Variants in TLR6 observed in about 807,000 individuals in gnomAD.
The protein encoded by TLR6 is toll like receptor 6, also known as toll-like receptor 6.
Under a neutral mutation model 16.1 loss-of-function variants are expected in TLR6, and 9 were observed. The ratio of observed to expected loss-of-function variants is 0.56; its 90% CI spans 0.34 to 0.98. TLR6 has a LOEUF of 0.98. Ranked by LOEUF, TLR6 falls within the 50% of genes least tolerant of loss-of-function variation. The pLI is 0.02. For synonymous variants in TLR6, 340 were observed against 338.6 expected (o/e 1.00, Z -0.04); for missense variants, 786 against 921.0 (o/e 0.85, Z 1.90).
exon 2 of TLR6, chr4:38,824,661 G>C (rs1035493060): frequency 6.6e-6 from 1 of 152,198 alleles, no homozygotes; most frequent in African/African-American, 2.4e-5. Flanking sequence ...AGAATGTGCC[G>C]TTTGGGATAG....
chr4:38,857,063 T>C, upstream of TLR6, among the ~76,000 whole-genome samples: 1 of 152,234 alleles, frequency 6.6e-6, no homozygotes, highest in Admixed American at 6.5e-5. Flanking sequence ...TAAGGTAATA[T>C]TTCTCTGTAA....
At chr4:38,829,113 C>G in exon 2 of TLR6, 1 of 1,614,108 alleles carries the variant, frequency 6.2e-7, no homozygotes, top group Non-Finnish European at 8.5e-7. Flanking sequence ...CTGAAACTCA[C>G]AATAGGATGG....
the TLR6 span, among the ~76,000 whole-genome samples, chr4:38,862,930 T>TAAAAAAAAAAAAAAAAAAAAAAA: frequency 1.2e-5 from 1 of 83,112 alleles, no homozygotes; most frequent in Non-Finnish European, 2.2e-5. Flanking sequence ...TTCTCCCATC[T>TAAAAAAAAAAAAAAAAAAAAAAA]AAAAAAAAAA....
chr4:38,844,718 A>G (rs1035211182), intron 1 of TLR6, among the ~76,000 whole-genome samples: 1 of 152,216 alleles, frequency 6.6e-6, no homozygotes, highest in Non-Finnish European at 1.5e-5. Flanking sequence ...TATAAAAGTC[A>G]TATTTCTGAC....
chr4:38,829,066 CAG>C lies in TLR6; in HGVS notation c.406_407del (p.Leu136AlafsTer4). On this transcript the variant is annotated frameshift_variant, in exon 2 of 2. Transcript: ENST00000436693. LOFTEE classifies it low-confidence loss of function (END_TRUNC). ...AGTTGCCAAATTCCTTACAGATGGG[CAG>C]GGCCTTGAAATCATTGAATGAGAGA... 3 of 1,614,116 alleles carry C rather than the reference CAG, an allele frequency of 1.9e-6. No individual in the cohort carries two copies. Among genetic ancestry groups the C allele is most frequent in the Non-Finnish European group, 1.7e-6 (2 of 1,180,020 alleles).
At chr4:38,850,617 C>T (rs1474952327) in intron 1 of TLR6, among the ~76,000 whole-genome samples, 3 of 152,188 alleles carry the variant, frequency 2.0e-5, no homozygotes, top group African/African-American at 7.2e-5. Flanking sequence ...TGCAAATAAA[C>T]TAGAAAATCT....
chr4:38,844,042 G>A lies in TLR6; in HGVS notation c.-65+12719C>T, dbSNP rs926454048. On this transcript the variant is annotated intron_variant, in intron 1 of 1. Transcript: ENST00000436693. ...CCTTTTACCCCAATGGTACTGACATGAGTGGATCAGCATGCTGAGTTTTCC... is the reference window on the plus strand; with the variant it reads ...CCTTTTACCCCAATGGTACTGACATAAGTGGATCAGCATGCTGAGTTTTCC... Among the ~76,000 whole-genome samples the A allele has an allele frequency of 7.9e-5, 12 of 152,284 alleles. No homozygotes were observed. The South Asian group carries it at 8.3e-4, about 11-fold the overall frequency.
At chr4:38,845,858 G>A (rs376227056) in intron 1 of TLR6, among the ~76,000 whole-genome samples, 15 of 152,232 alleles carry the variant, frequency 9.9e-5, no homozygotes, top group East Asian at 5.8e-4. Context: ...TTGGGAGGCC[G>A]AGGTGGATGG....
chr4:38,856,839 G>C (rs1232271234), upstream of TLR6: 4 of 149,976 alleles, frequency 2.7e-5, no homozygotes, highest in Admixed American at 2.0e-4. Flanking sequence ...ACAAACACAA[G>C]TTCTTAAAGT....
At chr4:38,854,043 A>T (rs1308439508) in intron 1 of TLR6, among the ~76,000 whole-genome samples, 1 of 152,236 alleles carries the variant, frequency 6.6e-6, no homozygotes, top group Non-Finnish European at 1.5e-5. Flanking sequence ...ATTATAATGG[A>T]ACTTTATTTT....
At chr4:38,867,500 C>T in the TLR6 span, among the ~76,000 whole-genome samples, 3 of 152,264 alleles carry the variant, frequency 2.0e-5, no homozygotes, top group African/African-American at 7.2e-5. Context: ...AGTGACACGG[C>T]GGGGGGTTTT....
intron 1 of TLR6, among the ~76,000 whole-genome samples, chr4:38,856,237 G>T (rs928657912): frequency 6.6e-6 from 1 of 152,148 alleles, no homozygotes; most frequent in South Asian, 2.1e-4. Context: ...TACGCACTAG[G>T]CACCAGGGAT....
intron 1 of TLR6, among the ~76,000 whole-genome samples, chr4:38,849,260 A>C (rs1022269843): frequency 1.5e-4 from 23 of 152,208 alleles, no homozygotes; most frequent in Non-Finnish European, 2.6e-4. Context: ...GCCTGCCCTA[A>C]AAGAGCTCCT....
upstream of TLR6, among the ~76,000 whole-genome samples, chr4:38,861,560 A>G (rs114560424): frequency 1.5e-3 from 235 of 152,210 alleles, 1 homozygote; most frequent in African/African-American, 5.1e-3. Context: ...CCCAGTTTAA[A>G]TCCAGCTCTC....
exon 2 of TLR6, chr4:38,828,449 G>T (rs775562373): frequency 6.2e-7 from 1 of 1,614,096 alleles, no homozygotes; most frequent in South Asian, 1.1e-5. Context: ...GTGTATAAAA[G>T]GTGTATCTGA....
chr4:38,846,979 A>G (rs1379893641), intron 1 of TLR6, among the ~76,000 whole-genome samples: 5 of 152,190 alleles, frequency 3.3e-5, no homozygotes, highest in Non-Finnish European at 5.9e-5. Context: ...AAGAAACCCC[A>G]ATCAATCTAG....
chr4:38,842,688 G>A (rs78715057), intron 1 of TLR6, among the ~76,000 whole-genome samples: 2,982 of 152,304 alleles, frequency 0.02, 82 homozygotes, highest in African/African-American at 0.059. Flanking sequence ...AAGTCTCCAT[G>A]GCCACCCAGC....
exon 2 of TLR6, chr4:38,828,203 C>T: frequency 6.2e-7 from 1 of 1,613,942 alleles, no homozygotes; most frequent in Non-Finnish European, 8.5e-7. Flanking sequence ...AACCCAAGTG[C>T]AGTTTTCTTT....
upstream of TLR6, among the ~76,000 whole-genome samples, chr4:38,857,324 T>C (rs1713032945): frequency 6.6e-6 from 1 of 152,232 alleles, no homozygotes; most frequent in African/African-American, 2.4e-5. Context: ...GACTACATAT[T>C]TAGCCATATG....
Sources: allele counts gnomAD v4.1 joint callset (sites outside exome capture counted in the v4.1 genomes callset), GRCh38; gene constraint gnomAD v4.1.1; transcripts MANE v1.5; gene names NCBI Gene and HGNC (gene_info 2026-07-23, HGNC 2026-07-21).